PPFIA2: variants seen among roughly 807,000 people sequenced by gnomAD.
The protein encoded by PPFIA2 is liprin-alpha-2.
A neutral mutation model predicts 175.5 loss-of-function variants in PPFIA2; 46 were observed. That is an observed-to-expected ratio of 0.26 (90% CI 0.21 to 0.34). PPFIA2 has a LOEUF of 0.34. PPFIA2 is among the 10% of genes least tolerant of loss of function. The probability of loss-of-function intolerance (pLI) is 1.00; values close to 1 mark genes in which losing one functional copy is unlikely to be tolerated. For missense variants in PPFIA2, 1,179 were observed against 1,506.1 expected, an observed-to-expected ratio of 0.78 and a Z score of 3.60; for synonymous variants, 568 against 511.4, an observed-to-expected ratio of 1.11 and a Z score of -1.49.
intron 3 of PPFIA2, among the ~76,000 whole-genome samples, chr12:81,690,271 C>A (rs1229340065): frequency 6.6e-6 from 1 of 151,998 alleles, no homozygotes; most frequent in Non-Finnish European, 1.5e-5. Context: ...TGGTGATGAC[C>A]AGTATTTCCA....
rs192178996 is a variant in PPFIA2, at chr12:81,419,690, C to T, written c.646-13787G>A. 2.2e-3 allele frequency among the ~76,000 whole-genome samples: 342 copies of T among 152,010 alleles called. 3 individuals carry two copies. Among genetic ancestry groups the T allele is most frequent in the Non-Finnish European group, 1.5e-3 (104 of 67,982 alleles). ...CACTTTTTATATTTAACTCATTTTTCACCTTATTTATGTTGGATATTCAAG... is the reference window on the plus strand; with the variant it reads ...CACTTTTTATATTTAACTCATTTTTTACCTTATTTATGTTGGATATTCAAG... On this transcript the variant is annotated intron_variant, in intron 7 of 32. Coordinates refer to ENST00000549396, the MANE Select transcript of PPFIA2 (RefSeq NM_003625.5).
intron 4 of PPFIA2, among the ~76,000 whole-genome samples, chr12:81,519,746 T>TA (rs2062883944): frequency 6.6e-6 from 1 of 152,186 alleles, no homozygotes; most frequent in South Asian, 2.1e-4. Context: ...TCAGAACTTA[T>TA]AATAACGAAG....
chr12:81,523,367 T>C (rs2063374414), intron 4 of PPFIA2, among the ~76,000 whole-genome samples: 1 of 152,154 alleles, frequency 6.6e-6, no homozygotes, highest in South Asian at 2.1e-4. Context: ...TGTGAGATGT[T>C]TTAATCTTCA....
chr12:81,439,751 C>A, intron 7 of PPFIA2: 1 of 492,434 alleles, frequency 2.0e-6, no homozygotes, highest in East Asian at 4.0e-5. Context: ...TCACATGTCA[C>A]TAGCTTTTGA....
At chr12:81,305,223 T>C (rs943350018) in intron 22 of PPFIA2, among the ~76,000 whole-genome samples, 1 of 152,180 alleles carries the variant, frequency 6.6e-6, no homozygotes, top group African/African-American at 2.4e-5. Flanking sequence ...CTAAATAAGA[T>C]AATACTTACA....
intron 4 of PPFIA2, among the ~76,000 whole-genome samples, chr12:81,521,409 T>C (rs889684222): frequency 4.6e-5 from 7 of 152,150 alleles, no homozygotes; most frequent in East Asian, 3.8e-4. Flanking sequence ...TTGGAAACGA[T>C]TCATCTGCAA....
intron 22 of PPFIA2, among the ~76,000 whole-genome samples, chr12:81,304,352 A>C (rs903231878): frequency 1.1e-4 from 16 of 152,202 alleles, no homozygotes; most frequent in African/African-American, 3.6e-4. Context: ...GTTTTGCAGC[A>C]AGCAAAGAAT....
chr12:81,474,999 T>A (rs1391376474), intron 4 of PPFIA2, among the ~76,000 whole-genome samples: 1 of 152,226 alleles, frequency 6.6e-6, no homozygotes, highest in Non-Finnish European at 1.5e-5. Flanking sequence ...ATTTTAAGAT[T>A]AATGAGATTT....
intron 3 of PPFIA2, among the ~76,000 whole-genome samples, chr12:81,731,771 T>C (rs115623117): frequency 0.013 from 1,985 of 151,664 alleles, 38 homozygotes; most frequent in African/African-American, 0.045. Context: ...AGTTTCCTTA[T>C]CTGTAAAAGG....
chr12:81,619,477 T>G (rs1164087839), intron 4 of PPFIA2, among the ~76,000 whole-genome samples: 2 of 152,220 alleles, frequency 1.3e-5, no homozygotes, highest in Non-Finnish European at 2.9e-5. Flanking sequence ...AGTTTATATC[T>G]TCACTTGGTA....
At chr12:81,690,471 TCC>T (rs1348198223) in intron 3 of PPFIA2, among the ~76,000 whole-genome samples, 1 of 152,046 alleles carries the variant, frequency 6.6e-6, no homozygotes, top group African/African-American at 2.4e-5. Context: ...CAAAGTCTAT[TCC>T]TGTCTCACTC....
intron 4 of PPFIA2, among the ~76,000 whole-genome samples, chr12:81,483,886 G>A (rs1452859177): frequency 2.6e-5 from 4 of 151,922 alleles, no homozygotes; most frequent in Non-Finnish European, 5.9e-5. Context: ...TCATTTCAAA[G>A]TATTTTATAG....
rs139360915 is a variant in PPFIA2 at position 81,491,734 on chromosome 12, G to A, written c.304-33868C>T. 6.6e-5 allele frequency among the ~76,000 whole-genome samples: 10 copies of A among 151,978 alleles called. No homozygotes were observed. In the East Asian group the frequency reaches 7.8e-4, roughly 12 times the overall value. Reference sequence around the variant, plus strand: ...AAATAAATAGCTGTTTAAGCCACTCGGTCCATGGTATTTTTGTCCTAGTAT... The same window carrying A: ...AAATAAATAGCTGTTTAAGCCACTCAGTCCATGGTATTTTTGTCCTAGTAT... On this transcript the variant is annotated intron_variant, in intron 4 of 32. Coordinates refer to ENST00000549396, the MANE Select transcript of PPFIA2 (RefSeq NM_003625.5).
intron 22 of PPFIA2, among the ~76,000 whole-genome samples, chr12:81,300,320 T>C (rs2047501583): frequency 6.6e-6 from 1 of 152,210 alleles, no homozygotes; most frequent in Non-Finnish European, 1.5e-5. Flanking sequence ...AAACATGGTA[T>C]AATAATTGCT....
chr12:81,633,094 G>A (rs936550910), intron 4 of PPFIA2, among the ~76,000 whole-genome samples: 1 of 152,066 alleles, frequency 6.6e-6, no homozygotes, highest in African/African-American at 2.4e-5. Flanking sequence ...TCATAATCAC[G>A]TCTAGTAAAT....
Position 81,259,673 on chromosome 12 carries a change from A to G in PPFIA2, c.*34-13T>C, listed in dbSNP as rs1383400968. ...GAAAAGACGCCATCTAAAATATACA[A>G]TGGATAGCATTAGTTCACTGAAAAG... On this transcript the variant is annotated splice_polypyrimidine_tract_variant and intron_variant, in intron 32 of 32. Coordinates refer to ENST00000549396, the MANE Select transcript of PPFIA2 (RefSeq NM_003625.5). The G allele has an allele frequency of 1.3e-6, 2 of 1,533,256 alleles. No individual in the cohort carries two copies. The highest frequency in any genetic ancestry group is 2.4e-5 in the East Asian group (1 of 40,886). 95.0% of individuals were successfully genotyped at this position (1,533,256 alleles called of 1,614,324 possible).
chr12:81,412,903 A>G (rs2044252925), intron 7 of PPFIA2, among the ~76,000 whole-genome samples: 1 of 151,930 alleles, frequency 6.6e-6, no homozygotes, highest in Admixed American at 6.6e-5. Context: ...GCTTACTGAA[A>G]GGCTTCGATC....
intron 8 of PPFIA2, among the ~76,000 whole-genome samples, chr12:81,405,397 C>T (rs2042753465): frequency 6.6e-6 from 1 of 151,878 alleles, no homozygotes; most frequent in Non-Finnish European, 1.5e-5. Flanking sequence ...TGTTGTTTTG[C>T]ACTTAAAATA....
intron 7 of PPFIA2, among the ~76,000 whole-genome samples, chr12:81,433,781 T>C (rs886948694): frequency 9.9e-5 from 15 of 152,018 alleles, no homozygotes; most frequent in African/African-American, 3.6e-4. Context: ...CTGAGTGAAA[T>C]AAATATAAAG....
Sources: gnomAD v4.1 joint callset for allele counts (sites outside exome capture counted in the v4.1 genomes callset) on GRCh38, gnomAD v4.1.1 for gene constraint, MANE v1.5 for transcripts, NCBI Gene and HGNC (gene_info 2026-07-23, HGNC 2026-07-21) for gene names.